IP6K2: variants seen among roughly 807,000 people sequenced by gnomAD.
The protein encoded by IP6K2 is inositol hexakisphosphate kinase 2.
In IP6K2, 9 loss-of-function variants were observed where a neutral mutation model predicts 43.3. The observed-to-expected ratio is 0.21, with a 90% CI of 0.13 to 0.36. The LOEUF is 0.36. IP6K2 is among the 10% of genes least tolerant of loss of function. IP6K2 has a pLI of 1.00. For synonymous variants in IP6K2, 209 were observed against 202.4 expected (o/e 1.03, Z -0.28); for missense variants, 332 against 538.4 (o/e 0.62, Z 3.79).
rs1559520397 is a variant in IP6K2 at position 48,695,317 on chromosome 3, T to C, written c.-26A>G. Reference sequence around the variant, plus strand: ...CCTCCGGGCGCAGATGGCGGGGAGATGGGGGAGGCAGCGGAGTCCAGCGGC... The same window carrying C: ...CCTCCGGGCGCAGATGGCGGGGAGACGGGGGAGGCAGCGGAGTCCAGCGGC... On this transcript the variant is annotated 5_prime_UTR_variant, in exon 2 of 6. Transcript: ENST00000328631. The surrounding 1 kb of genome is among the most constrained non-coding windows in gnomAD (Gnocchi z 4.6). The C allele has an allele frequency of 6.3e-7, 1 of 1,597,420 alleles. No individual in the cohort carries two copies.
intron 1 of IP6K2, among the ~76,000 whole-genome samples, chr3:48,700,213 T>TGGGA: frequency 6.6e-6 from 1 of 151,998 alleles, no homozygotes; most frequent in African/African-American, 2.4e-5. Flanking sequence ...AGCCCCTATC[T>TGGGA]CTGCAAGGAA....
Position 48,688,531 on chromosome 3 carries a change from G to T in IP6K2, c.1023C>A (p.Pro341=). The T allele has an allele frequency of 6.2e-7, 1 of 1,614,186 alleles. No individual in the cohort carries two copies. ...LLVIYDGKER[P]EVVLDSDAED... ...CAGCATCTGAGTCCAGGACCACTTC[G>T]GGCCGCTCCTTGCCATCATAAATGA... Residue 341 remains proline (P), a synonymous_variant, in exon 6 of 6, where the codon CCC becomes CCA. Transcript: ENST00000328631. This position sits in a 1 kb window ranked among gnomAD's most constrained non-coding sequence, Gnocchi z 5.1.
In IP6K2 at chr3:48,688,181, C is replaced by A; in HGVS notation, c.*92G>T. 6.9e-7 allele frequency: 1 copy of A among 1,449,434 alleles called. No individual in the cohort carries two copies. Among genetic ancestry groups the A allele is most frequent in the South Asian group, 1.3e-5 (1 of 78,420 alleles). 89.8% of individuals were successfully genotyped at this position (1,449,434 alleles called of 1,614,324 possible). On this transcript the variant is annotated 3_prime_UTR_variant, in exon 6 of 6. Transcript: ENST00000328631. This position sits in a 1 kb window ranked among gnomAD's most constrained non-coding sequence, Gnocchi z 5.1. Reference sequence around the variant, plus strand: ...GCACATCAGCTCCAGGCTGCAGGAGCCACCACCTGGCCATACTGGCTTCCT... The same window carrying A: ...GCACATCAGCTCCAGGCTGCAGGAGACACCACCTGGCCATACTGGCTTCCT...
intron 1 of IP6K2, among the ~76,000 whole-genome samples, chr3:48,698,579 C>A (rs974865915): frequency 2.0e-5 from 3 of 152,174 alleles, no homozygotes; most frequent in African/African-American, 7.2e-5. Context: ...AAGCGATTCT[C>A]GTGCCTCAGC....
At chr3:48,691,195 G>T (rs1322031481) in intron 4 of IP6K2, 112 bp downstream of exon 4, 12 of 858,284 alleles carry the variant, frequency 1.4e-5, no homozygotes, top group Non-Finnish European at 1.1e-5. Context: ...CCAGGTAGGA[G>T]AAACTCAACC....
At chr3:48,697,487 T>A (rs1410987636) in intron 1 of IP6K2, among the ~76,000 whole-genome samples, 1 of 77,612 alleles carries the variant, frequency 1.3e-5, no homozygotes, top group Non-Finnish European at 2.4e-5. Context: ...CATGCCTGGC[T>A]ATTTTTTTTT....
At chr3:48,713,104 G>A (rs962134925) in intron 1 of IP6K2, among the ~76,000 whole-genome samples, 5 of 152,150 alleles carry the variant, frequency 3.3e-5, no homozygotes, top group African/African-American at 9.7e-5. Context: ...ATACCAAAAA[G>A]CCATATCCAA....
intron 1 of IP6K2, among the ~76,000 whole-genome samples, chr3:48,705,627 T>G (rs952658550): frequency 1.3e-5 from 2 of 150,568 alleles, no homozygotes; most frequent in Non-Finnish European, 3.0e-5. Flanking sequence ...CACTCCAGCC[T>G]GGATGACAGA....
rs148271609 is a variant in IP6K2, at chr3:48,706,736, G to A, written c.-131+10421C>T. 1.3e-4 allele frequency among the ~76,000 whole-genome samples: 20 copies of A among 151,808 alleles called. No individual in the cohort carries two copies. The East Asian group carries it at 3.7e-3, about 28-fold the overall frequency. On this transcript the variant is annotated intron_variant, in intron 1 of 5. Transcript: ENST00000328631. ...GGGCCCATAGTCCCAGCTACTTGGG[G>A]GGCTGAAGCAGGAGAATAGCTTGAA...
In IP6K2 at chr3:48,693,197, G is replaced by T; in HGVS notation, c.203-18C>A. 1 of 1,591,324 alleles carries T rather than the reference G, an allele frequency of 6.3e-7. No individual in the cohort carries two copies. Among genetic ancestry groups the T allele is most frequent in the Non-Finnish European group, 8.6e-7 (1 of 1,159,640 alleles). Reference sequence around the variant, plus strand: ...TACCACACCTGGAAGGGGGTGAGGAGCAGAAAGAACTTTTAATTTAGCAGG... The same window carrying T: ...TACCACACCTGGAAGGGGGTGAGGATCAGAAAGAACTTTTAATTTAGCAGG... On this transcript the variant is annotated intron_variant, in intron 2 of 5. Transcript: ENST00000328631.
intron 1 of IP6K2, among the ~76,000 whole-genome samples, chr3:48,701,782 C>T (rs1243672520): frequency 6.6e-6 from 1 of 151,926 alleles, no homozygotes; most frequent in Non-Finnish European, 1.5e-5. Context: ...CCTGTAGTCC[C>T]ACCTGCTTGG....
Position 48,688,536 on chromosome 3 carries a change from G to T in IP6K2, c.1018C>A (p.Arg340=). The T allele has an allele frequency of 6.2e-7, 1 of 1,614,204 alleles. No individual in the cohort carries two copies. The highest frequency in any genetic ancestry group is 8.5e-7 in the Non-Finnish European group (1 of 1,180,052). The stretch of plus-strand genomic sequence containing the variant: ...TCTGAGTCCAGGACCACTTCGGGCC[G>T]CTCCTTGCCATCATAAATGACCAGC... ...SLLVIYDGKE[R]PEVVLDSDAE... Residue 340 remains arginine (R), a synonymous_variant, in exon 6 of 6, where the codon CGG becomes AGG. Transcript: ENST00000328631. The surrounding 1 kb of genome is among the most constrained non-coding windows in gnomAD (Gnocchi z 5.1).
At chr3:48,693,454 C>T in intron 2 of IP6K2, 1 of 1,371,998 alleles carries the variant, frequency 7.3e-7, no homozygotes. Flanking sequence ...CACATTTTTC[C>T]ATCATTGAAA....
chr3:48,688,755 C>A lies in IP6K2; in HGVS notation c.799G>T (p.Gly267Trp). 1 of 1,611,404 alleles carries A rather than the reference C, an allele frequency of 6.2e-7. No individual in the cohort carries two copies. The change falls in exon 6 of 6, where the codon GGG becomes TGG. Residue 267 changes from glycine (G) to tryptophan (W), a missense_variant. By Grantham distance (184) the Gly-to-Trp change is radical. Coordinates refer to ENST00000328631, the MANE Select transcript of IP6K2 (RefSeq NM_016291.4). The surrounding 1 kb of genome is among the most constrained non-coding windows in gnomAD (Gnocchi z 5.1). Reference protein sequence around the residue: ...CGMQVYQAGSGQLMFMNKYHG... With the variant: ...CGMQVYQAGSWQLMFMNKYHG... Reference sequence around the variant, plus strand: ...TACTTGTTCATGAACATGAGCTGCCCACTGCCTGCTTGGTACACCTGTAGG... The same window carrying A: ...TACTTGTTCATGAACATGAGCTGCCAACTGCCTGCTTGGTACACCTGTAGG...
Position 48,695,372 on chromosome 3 carries a change from T to C in IP6K2, c.-81A>G. 3 of 1,488,758 alleles carry C rather than the reference T, an allele frequency of 2.0e-6. No individual in the cohort carries two copies. The highest frequency in any genetic ancestry group is 2.7e-6 in the Non-Finnish European group (3 of 1,118,660). 92.2% of individuals were successfully genotyped at this position (1,488,758 alleles called of 1,614,324 possible). A position where few individuals can be genotyped will look rare whatever the true frequency, so the allele number is the denominator to read the frequency against. Reference sequence around the variant, plus strand: ...ACGTCTTCTGTCTGTTGTTTGTCCGTGTGTCCCTCTCGTCTTGGCTCCTTG... The same window carrying C: ...ACGTCTTCTGTCTGTTGTTTGTCCGCGTGTCCCTCTCGTCTTGGCTCCTTG... On this transcript the variant is annotated 5_prime_UTR_variant, in exon 2 of 6. Coordinates refer to ENST00000328631, the MANE Select transcript of IP6K2 (RefSeq NM_016291.4). The surrounding 1 kb of genome is among the most constrained non-coding windows in gnomAD (Gnocchi z 4.6).
intron 1 of IP6K2, chr3:48,699,610 A>C (rs187618937): frequency 1.3e-5 from 2 of 152,256 alleles, no homozygotes; most frequent in East Asian, 1.9e-4. Context: ...GATAGGAAAA[A>C]TCAGGCTCAT....
At chr3:48,714,772 C>T (rs549942094) in intron 1 of IP6K2, among the ~76,000 whole-genome samples, 6 of 144,064 alleles carry the variant, frequency 4.2e-5, no homozygotes, top group South Asian at 4.4e-4. Flanking sequence ...GGCGTGAACC[C>T]GGAAGGCGGA....
intron 1 of IP6K2, among the ~76,000 whole-genome samples, chr3:48,697,574 C>G (rs990237220): frequency 1.4e-5 from 2 of 147,262 alleles, no homozygotes; most frequent in African/African-American, 2.5e-5. Flanking sequence ...CTCCTAACCT[C>G]AGGTGATCTG....
chr3:48,692,129 G>A (rs1288167166), intron 3 of IP6K2, among the ~76,000 whole-genome samples: 6 of 152,228 alleles, frequency 3.9e-5, no homozygotes, highest in East Asian at 1.9e-4. Flanking sequence ...CACCGCACCC[G>A]GCCAGAAACT....
Sources: allele counts gnomAD v4.1 joint callset (sites outside exome capture counted in the v4.1 genomes callset), GRCh38; gene constraint gnomAD v4.1.1; non-coding constraint Gnocchi (gnomAD v3.1); transcripts MANE v1.5; gene names NCBI Gene and HGNC (gene_info 2026-07-23, HGNC 2026-07-21).